Variants in GPC6 observed in about 807,000 individuals in gnomAD.
GPC6 encodes the protein glypican 6, also known as glypican-6.
In GPC6, 14 loss-of-function variants were observed where a neutral mutation model predicts 55.2. The ratio of observed to expected loss-of-function variants is 0.25; its 90% CI spans 0.17 to 0.40. The LOEUF is 0.40. Among genes scored for constraint, GPC6 ranks in the 10% least tolerant of loss-of-function variants. The pLI is 1.00. For synonymous variants in GPC6, 278 were observed against 259.6 expected (o/e 1.07, Z -0.68); for missense variants, 641 against 708.5 (o/e 0.90, Z 1.08).
the GPC6 span, among the ~76,000 whole-genome samples, chr13:93,218,706 T>C: frequency 6.6e-6 from 1 of 152,222 alleles, no homozygotes; most frequent in Non-Finnish European, 1.5e-5. Context: ...TGTCTGGCCA[T>C]ATGGCAGAGT....
At chr13:94,123,172 AT>A (rs767483192) in intron 4 of GPC6, among the ~76,000 whole-genome samples, 4 of 152,114 alleles carry the variant, frequency 2.6e-5, no homozygotes, top group Non-Finnish European at 5.9e-5. Context: ...ATTAGTAAAT[AT>A]TTAAGTATCA....
chr13:94,299,256 T>A (rs1875512133), intron 5 of GPC6, among the ~76,000 whole-genome samples: 2 of 152,238 alleles, frequency 1.3e-5, no homozygotes, highest in South Asian at 4.1e-4. Context: ...CCATTATACC[T>A]CATGTTTTCA....
chr13:94,273,284 G>A (rs928193260), intron 4 of GPC6, among the ~76,000 whole-genome samples: 1 of 152,136 alleles, frequency 6.6e-6, no homozygotes, highest in African/African-American at 2.4e-5. Flanking sequence ...TCTCCATGCT[G>A]TCTCTCTGGG....
At chr13:94,000,783 A>G (rs1881761718) in intron 3 of GPC6, among the ~76,000 whole-genome samples, 1 of 152,192 alleles carries the variant, frequency 6.6e-6, no homozygotes, top group Admixed American at 6.6e-5. Context: ...ACAGTTTTAC[A>G]AAGGATCATT....
chr13:94,230,294 C>T (rs1470961455), intron 4 of GPC6, among the ~76,000 whole-genome samples: 1 of 152,064 alleles, frequency 6.6e-6, no homozygotes, highest in Non-Finnish European at 1.5e-5. Flanking sequence ...AGTCCTGCTC[C>T]AGGTCACATG....
intron 6 of GPC6, among the ~76,000 whole-genome samples, chr13:94,350,057 T>C (rs1033109741): frequency 4.8e-5 from 7 of 146,648 alleles, no homozygotes; most frequent in South Asian, 4.2e-4. Flanking sequence ...TATATATATA[T>C]ACATATATAT....
chr13:93,523,467 C>T (rs907945821), intron 1 of GPC6, among the ~76,000 whole-genome samples: 1 of 130,006 alleles, frequency 7.7e-6, no homozygotes, highest in Admixed American at 7.9e-5. Context: ...ACACATATGA[C>T]ATTTTACACA....
At chr13:94,268,404 C>A (rs1891881531) in intron 4 of GPC6, among the ~76,000 whole-genome samples, 2 of 152,248 alleles carry the variant, frequency 1.3e-5, no homozygotes, top group East Asian at 3.9e-4. Flanking sequence ...CCCAAATTAT[C>A]TATTCCCTTT....
intron 3 of GPC6, among the ~76,000 whole-genome samples, chr13:93,913,675 T>C (rs1466861518): frequency 2.0e-5 from 3 of 152,212 alleles, no homozygotes; most frequent in Non-Finnish European, 4.4e-5. Context: ...TTTTCTTTCC[T>C]CTGTTTTTCT....
chr13:94,403,210 G>A lies in GPC6; in HGVS notation c.1661G>A (p.Cys554Tyr). Reference protein sequence around the residue: ...TCIVLALQRLCR With the variant: ...TCIVLALQRLYR ...ATTGTCCTGGCACTGCAGAGACTGT[G>A]CAGATAATCTTGGGTTTTTGGTCAG... Residue 554 changes from cysteine to tyrosine, a missense_variant, in exon 9 of 9, where the codon TGC becomes TAC. Physicochemically the swap from Cys to Tyr is radical, Grantham distance 194 (BLOSUM62 -2). Transcript: ENST00000377047. 2 of 1,612,558 alleles carry A rather than the reference G, an allele frequency of 1.2e-6. No individual in the cohort carries two copies. Among genetic ancestry groups the A allele is most frequent in the South Asian group, 2.2e-5 (2 of 91,050 alleles).
At chr13:94,099,018 T>G (rs1166192484) in intron 4 of GPC6, among the ~76,000 whole-genome samples, 1 of 152,040 alleles carries the variant, frequency 6.6e-6, no homozygotes. Flanking sequence ...TAACATATAT[T>G]TATCCCACAA....
chr13:93,301,524 T>C (rs1878680904), intron 1 of GPC6, among the ~76,000 whole-genome samples: 1 of 152,318 alleles, frequency 6.6e-6, no homozygotes, highest in Middle Eastern at 3.4e-3. Flanking sequence ...TTAGTTAATT[T>C]TATGCAGTCT....
At chr13:93,493,652 G>A (rs1318093482) in intron 1 of GPC6, among the ~76,000 whole-genome samples, 2 of 138,392 alleles carry the variant, frequency 1.4e-5, no homozygotes, top group African/African-American at 5.4e-5. Context: ...TTTCTCTTGT[G>A]GGCATTTAGT....
At chr13:93,427,693 C>G (rs1039762976) in intron 1 of GPC6, among the ~76,000 whole-genome samples, 8 of 152,110 alleles carry the variant, frequency 5.3e-5, no homozygotes, top group Admixed American at 3.9e-4. Flanking sequence ...GCTTAGGGAG[C>G]CTTCAACCTT....
chr13:93,932,409 A>G (rs1269066495), intron 3 of GPC6, among the ~76,000 whole-genome samples: 3 of 152,208 alleles, frequency 2.0e-5, no homozygotes. Context: ...GGAAATCACC[A>G]GAATCCTCTC....
chr13:93,292,404 G>GA (rs1878347116), intron 1 of GPC6, among the ~76,000 whole-genome samples: 1 of 152,126 alleles, frequency 6.6e-6, no homozygotes, highest in African/African-American at 2.4e-5. Context: ...AGGAATTCTA[G>GA]ACTTTTTAAG....
At chr13:94,098,581 A>G (rs935136810) in intron 4 of GPC6, among the ~76,000 whole-genome samples, 3 of 152,196 alleles carry the variant, frequency 2.0e-5, no homozygotes, top group Non-Finnish European at 4.4e-5. Flanking sequence ...AAATAGGTCC[A>G]TTTAATGTGG....
intron 5 of GPC6, among the ~76,000 whole-genome samples, chr13:94,293,810 C>G (rs553999767): frequency 6.6e-6 from 1 of 152,320 alleles, no homozygotes; most frequent in Non-Finnish European, 1.5e-5. Context: ...AAGACAAAGA[C>G]TTTCCCAGCA....
intron 4 of GPC6, among the ~76,000 whole-genome samples, chr13:94,033,824 G>A (rs958191040): frequency 6.6e-6 from 1 of 152,102 alleles, no homozygotes; most frequent in Non-Finnish European, 1.5e-5. Context: ...GCTGTATATA[G>A]CAGCAAACTT....
Sources: gnomAD v4.1 joint callset for allele counts (sites outside exome capture counted in the v4.1 genomes callset) on GRCh38, gnomAD v4.1.1 for gene constraint, MANE v1.5 for transcripts, NCBI Gene and HGNC (gene_info 2026-07-23, HGNC 2026-07-21) for gene names.